GOLGB1: variants seen among roughly 807,000 people sequenced by gnomAD.
GOLGB1 encodes the protein golgin subfamily B member 1.
In GOLGB1, 174 loss-of-function variants were observed where a neutral mutation model predicts 336.9. The ratio of observed to expected loss-of-function variants is 0.52; its 90% confidence interval spans 0.46 to 0.59. GOLGB1 has a LOEUF of 0.59. Among genes scored for constraint, GOLGB1 ranks in the 20% least tolerant of loss-of-function variants. GOLGB1 has a pLI of 0.00. For synonymous variants in GOLGB1, 1,208 were observed against 1,289.2 expected (o/e 0.94, Z 1.35); for missense variants, 3,331 against 3,645.3 (o/e 0.91, Z 2.22).
At chr3:121,712,372 G>T (rs1000880658) in intron 10 of GOLGB1, among the ~76,000 whole-genome samples, 1 of 151,568 alleles carries the variant, frequency 6.6e-6, no homozygotes, top group Admixed American at 6.6e-5. Flanking sequence ...AAGCATAAGA[G>T]AATATCTTCA....
At position 121,729,815 on chromosome 3, in the gene GOLGB1, C is replaced by T. The variant is rs757880455; in HGVS notation, c.249+50G>A. ...ACAAAAATTAAAGTGAGTAGTGTAT[C>T]ATCTGTCCTTTATCAAATGCTCCAC... is the stretch of plus-strand genomic sequence containing the variant. On this transcript the variant is annotated intron_variant, in intron 3 of 21. Transcript: ENST00000614479. The T allele has an allele frequency of 1.5e-5, 20 of 1,374,954 alleles. No homozygotes were observed. The African/African-American group carries it at 2.0e-4, about 14-fold the overall frequency. 85.2% of individuals were successfully genotyped at this position (1,374,954 alleles called of 1,614,324 possible).
intron 1 of GOLGB1, among the ~76,000 whole-genome samples, chr3:121,746,382 A>G (rs1947283760): frequency 6.6e-6 from 1 of 152,242 alleles, no homozygotes; most frequent in Non-Finnish European, 1.5e-5. Flanking sequence ...TATAACATAC[A>G]TACACAGCGT....
chr3:121,670,178 G>A (rs1198521639), intron 17 of GOLGB1, among the ~76,000 whole-genome samples: 2 of 152,170 alleles, frequency 1.3e-5, no homozygotes, highest in African/African-American at 4.8e-5. Flanking sequence ...TCTCTCACTT[G>A]CAGGCTGTCA....
rs1200925309 is a variant in GOLGB1 at position 121,706,733 on chromosome 3, C to CAAAAAAAAAAA, written c.1405-4149_1405-4139dup. Among the ~76,000 whole-genome samples the CAAAAAAAAAAA allele has an allele frequency of 4.1e-3, 66 of 16,158 alleles. 10 individuals carry two copies. The highest frequency in any genetic ancestry group is 6.0e-3 in the Non-Finnish European group (57 of 9,448). 10.6% of individuals were successfully genotyped at this position (16,158 alleles called of 152,430 possible). ...TGGATGACACACTGAGACTCTGTCT[C>CAAAAAAAAAAA]AAAAAAAAAAAAAAAAAAAAAAAAA... is the stretch of plus-strand genomic sequence containing the variant. On this transcript the variant is annotated intron_variant, in intron 10 of 21. Transcript: ENST00000614479.
chr3:121,679,622 T>C (rs1409789748), intron 15 of GOLGB1, among the ~76,000 whole-genome samples: 2 of 152,110 alleles, frequency 1.3e-5, no homozygotes, highest in East Asian at 3.9e-4. Context: ...AAACACAGTA[T>C]CTCACCACTC....
chr3:121,676,816 G>T (rs1940451429), intron 17 of GOLGB1, 77 bp downstream of exon 17: 2 of 1,265,870 alleles, frequency 1.6e-6, no homozygotes, highest in African/African-American at 1.5e-5. Context: ...ACTCTATGCT[G>T]AATTGGCTTC....
chr3:121,707,013 T>A (rs1943914224), intron 10 of GOLGB1, among the ~76,000 whole-genome samples: 1 of 148,126 alleles, frequency 6.8e-6, no homozygotes, highest in Non-Finnish European at 1.5e-5. Context: ...GAGATTGAGA[T>A]CATCCTGGCC....
rs760841645 is a variant in GOLGB1, at chr3:121,668,171, TA to T, written c.9322-14del. 4 of 1,441,016 alleles carry T rather than the reference TA, an allele frequency of 2.8e-6. No homozygotes were observed. In the South Asian group the frequency reaches 4.7e-5, roughly 17 times the overall value. The allele number at this position is 1,441,016 out of a possible 1,614,324, so 89.3% of individuals were successfully genotyped here. On this transcript the variant is annotated splice_polypyrimidine_tract_variant and intron_variant, in intron 18 of 21. Transcript: ENST00000614479. ...TATTTAGTGGCCCCTGGAAGAAGAA[TA>T]AGCTTAGTAATTCAGTGATGAAAGC...
intron 10 of GOLGB1, among the ~76,000 whole-genome samples, chr3:121,713,957 C>T (rs144194413): frequency 6.6e-5 from 10 of 152,178 alleles, no homozygotes; most frequent in Middle Eastern, 3.4e-3. Flanking sequence ...ATAAAGCAAA[C>T]GTGCTAAAAT....
rs895379923 is a variant in GOLGB1, at chr3:121,664,256, G to A, written c.*224C>T. On this transcript the variant is annotated 3_prime_UTR_variant, in exon 22 of 22. Transcript: ENST00000614479. ...AAACCAAATGTGATTCTCAGATTAA[G>A]CAGAAGCGTTCAGGCTCAGGGCAGT... 4 of 555,652 alleles carry A rather than the reference G, an allele frequency of 7.2e-6. No homozygotes were observed. The Admixed American group carries it at 9.1e-5, about 13-fold the overall frequency. The allele number at this position is 555,652 out of a possible 1,614,324, so 34.4% of individuals were successfully genotyped here. A position where few individuals can be genotyped will look rare whatever the true frequency, so the allele number is the denominator to read the frequency against.
intron 14 of GOLGB1, among the ~76,000 whole-genome samples, chr3:121,688,147 T>C (rs1485968947): frequency 2.0e-5 from 3 of 152,086 alleles, no homozygotes; most frequent in Non-Finnish European, 4.4e-5. Context: ...TCTTAAAAAT[T>C]AGAATTTTCG....
chr3:121,735,707 T>C (rs1429702725), intron 1 of GOLGB1, among the ~76,000 whole-genome samples: 2 of 152,170 alleles, frequency 1.3e-5, no homozygotes, highest in African/African-American at 2.4e-5. Flanking sequence ...AATATATATG[T>C]AAATAGATAA....
At chr3:121,673,299 C>A (rs1488931207) in intron 17 of GOLGB1, among the ~76,000 whole-genome samples, 2 of 152,110 alleles carry the variant, frequency 1.3e-5, no homozygotes, top group East Asian at 3.9e-4. Flanking sequence ...GAACTCCTGA[C>A]CTCAGGTGAT....
chr3:121,672,582 T>C (rs1939696103), intron 17 of GOLGB1, among the ~76,000 whole-genome samples: 1 of 152,244 alleles, frequency 6.6e-6, no homozygotes. Flanking sequence ...CTGTGGATTG[T>C]CTCTTCACTC....
At chr3:121,702,354 G>T in intron 11 of GOLGB1, 127 bp downstream of exon 11, 1 of 404,042 alleles carries the variant, frequency 2.5e-6, no homozygotes. Flanking sequence ...ATAGTTACCA[G>T]CTCTATTATC....
rs1938279569 is a variant in GOLGB1 at position 121,664,312 on chromosome 3, C to G, written c.*168G>C. 1 of 651,734 alleles carries G rather than the reference C, an allele frequency of 1.5e-6. No homozygotes were observed. Among genetic ancestry groups the G allele is most frequent in the African/African-American group, 1.8e-5 (1 of 54,778 alleles). The allele number at this position is 651,734 out of a possible 1,614,324, so 40.4% of individuals were successfully genotyped here. Reference sequence around the variant, plus strand: ...AAAGCAGACTCGCCAGTCCCTGCAGCTCCAACCTGTCCTCGTATCCACCTC... The same window carrying G: ...AAAGCAGACTCGCCAGTCCCTGCAGGTCCAACCTGTCCTCGTATCCACCTC... On this transcript the variant is annotated 3_prime_UTR_variant, in exon 22 of 22. Coordinates refer to ENST00000614479, the MANE Select transcript of GOLGB1 (RefSeq NM_001366282.2).
chr3:121,694,428 T>G lies in GOLGB1; in HGVS notation c.6095A>C (p.Asp2032Ala), dbSNP rs1361911462. The G allele has an allele frequency of 6.2e-7, 1 of 1,613,380 alleles. No homozygotes were observed. Among genetic ancestry groups the G allele is most frequent in the South Asian group, 1.1e-5 (1 of 91,046 alleles). Residue 2032 changes from aspartate to alanine, a missense_variant, in exon 13 of 22, where the codon GAC becomes GCC. Coordinates refer to ENST00000614479, the MANE Select transcript of GOLGB1 (RefSeq NM_001366282.2). ...KQQEVKQLQKDCIRYQEKISA... is the reference protein window; with the variant it reads ...KQQEVKQLQKACIRYQEKISA... ...AATTTTCTCTTGATACCTGATGCAG[T>G]CCTTCTGTAGCTGCTTTACTTCTTG...
chr3:121,712,201 A>G (rs1338431232), intron 10 of GOLGB1, among the ~76,000 whole-genome samples: 2 of 152,208 alleles, frequency 1.3e-5, no homozygotes, highest in African/African-American at 4.8e-5. Context: ...AAAGAATCCA[A>G]TGAGGAAAGT....
chr3:121,708,915 A>G (rs188695415), intron 10 of GOLGB1, among the ~76,000 whole-genome samples: 155 of 152,286 alleles, frequency 1.0e-3, no homozygotes, highest in Middle Eastern at 6.8e-3. Flanking sequence ...TCCAATCACA[A>G]AGAAGAGAAG....
Sources: gnomAD v4.1 joint callset for allele counts (sites outside exome capture counted in the v4.1 genomes callset) on GRCh38, gnomAD v4.1.1 for gene constraint, MANE v1.5 for transcripts, NCBI Gene and HGNC (gene_info 2026-07-23, HGNC 2026-07-21) for gene names.